The following EYS variants were observed in gnomAD, a reference collection of about 807,000 sequenced individuals.
The protein encoded by EYS is protein eyes shut homolog.
A neutral mutation model predicts 282.1 loss-of-function variants in EYS; 250 were observed. The ratio of observed to expected loss-of-function variants is 0.89; its 90% confidence interval spans 0.80 to 0.98. EYS has a LOEUF of 0.98. Among genes scored for constraint, EYS ranks in the 50% least tolerant of loss-of-function variants. EYS has a pLI of 0.00. For synonymous variants in EYS, 1,355 were observed against 1,282.9 expected, an observed-to-expected ratio of 1.06 and a Z score of -1.20; for missense variants, 4,016 against 3,709.0, an observed-to-expected ratio of 1.08 and a Z score of -2.15.
intron 5 of EYS, among the ~76,000 whole-genome samples, chr6:65,467,595 T>A (rs866957113): frequency 2.0e-5 from 3 of 152,008 alleles, no homozygotes; most frequent in Admixed American, 1.3e-4. Context: ...AAAATCTGAA[T>A]AAATGAAGAG....
chr6:64,037,843 T>C (rs1284894216), intron 33 of EYS, among the ~76,000 whole-genome samples: 1 of 152,208 alleles, frequency 6.6e-6, no homozygotes, highest in Non-Finnish European at 1.5e-5. Context: ...GGGTTTAATT[T>C]ATTGAATGAT....
In EYS at chr6:64,410,560, G is replaced by C. The variant is rs773728819; in HGVS notation, c.5928-21720C>G. ...GAAAACTAAATATTTTTTATTATCT[G>C]GTTCCAAATGCCATTCTATCTTTCT... On this transcript the variant is annotated intron_variant, in intron 28 of 42. Coordinates refer to ENST00000503581, the MANE Select transcript of EYS (RefSeq NM_001142800.2). Among the ~76,000 whole-genome samples, 21 of 152,044 alleles carry C rather than the reference G, an allele frequency of 1.4e-4. 1 individual carries two copies. Among genetic ancestry groups the C allele is most frequent in the African/African-American group, 7.2e-5 (3 of 41,406 alleles).
intron 28 of EYS, among the ~76,000 whole-genome samples, chr6:64,413,445 C>T (rs910174847): frequency 1.3e-5 from 2 of 151,822 alleles, no homozygotes; most frequent in Non-Finnish European, 2.9e-5. Context: ...ATGATTGATA[C>T]ATCAGAGAAC....
chr6:64,769,505 C>T lies in EYS; in HGVS notation c.3443+43873G>A, dbSNP rs140970780. 4.7e-3 allele frequency among the ~76,000 whole-genome samples: 718 copies of T among 152,100 alleles called. 4 individuals are homozygous for T. Among genetic ancestry groups the T allele is most frequent in the African/African-American group, 0.017 (686 of 41,502 alleles). ...CTATGTAATAACTATTGCTAGCTCACGAGCAGTACAAAAATGGGTGTCCAG... is the reference window on the plus strand; with the variant it reads ...CTATGTAATAACTATTGCTAGCTCATGAGCAGTACAAAAATGGGTGTCCAG... On this transcript the variant is annotated intron_variant, in intron 22 of 42. Transcript: ENST00000503581.
intron 36 of EYS, among the ~76,000 whole-genome samples, chr6:63,862,010 C>T (rs1772547314): frequency 6.6e-6 from 1 of 152,226 alleles, no homozygotes; most frequent in South Asian, 2.1e-4. Context: ...AGCCCAGCTT[C>T]TATCTTTCCT....
chr6:64,410,029 G>A (rs554812629), intron 28 of EYS, among the ~76,000 whole-genome samples: 4 of 152,070 alleles, frequency 2.6e-5, no homozygotes, highest in South Asian at 2.1e-4. Flanking sequence ...GAACACAGAC[G>A]AGTTACTCTT....
intron 12 of EYS, among the ~76,000 whole-genome samples, chr6:65,091,926 G>A (rs189023898): frequency 6.9e-4 from 105 of 152,110 alleles, no homozygotes; most frequent in African/African-American, 2.3e-3. Flanking sequence ...ACCTGCCTAC[G>A]GTCCCTCGAG....
chr6:63,806,105 C>G, intron 37 of EYS, 85 bp downstream of exon 37: 1 of 1,206,640 alleles, frequency 8.3e-7, no homozygotes, highest in Non-Finnish European at 1.1e-6. Context: ...TTTTTTTTAC[C>G]ACAGCCAATT....
chr6:64,064,155 A>G (rs1460186614), intron 33 of EYS, among the ~76,000 whole-genome samples: 3 of 152,178 alleles, frequency 2.0e-5, no homozygotes, highest in Admixed American at 1.3e-4. Flanking sequence ...TTAACAACAT[A>G]TCTCAAATTA....
chr6:63,917,196 C>A (rs913929563), intron 35 of EYS, among the ~76,000 whole-genome samples: 1 of 152,248 alleles, frequency 6.6e-6, no homozygotes, highest in African/African-American at 2.4e-5. Flanking sequence ...AGAGAATGCA[C>A]TTCAGGATCT....
intron 30 of EYS, among the ~76,000 whole-genome samples, chr6:64,297,977 C>CAAAAAAAAA (rs34562408): frequency 2.2e-4 from 21 of 96,432 alleles, no homozygotes; most frequent in African/African-American, 8.1e-4. Context: ...GATTCTGTCT[C>CAAAAAAAAA]AAAAAAAAAA....
chr6:63,961,558 C>T (rs961839292), intron 35 of EYS, among the ~76,000 whole-genome samples: 2 of 152,160 alleles, frequency 1.3e-5, no homozygotes, highest in South Asian at 2.1e-4. Context: ...CCTGCACCCA[C>T]GTGAAATAAA....
chr6:65,465,840 A>G (rs2150412804), intron 5 of EYS, among the ~76,000 whole-genome samples: 1 of 151,946 alleles, frequency 6.6e-6, no homozygotes, highest in East Asian at 2.0e-4. Flanking sequence ...AATCAGCTGA[A>G]TGTGTTGGCT....
chr6:65,590,226 T>C (rs1765184705), intron 2 of EYS, among the ~76,000 whole-genome samples: 1 of 152,076 alleles, frequency 6.6e-6, no homozygotes, highest in South Asian at 2.1e-4. Context: ...TTTCTTCCAC[T>C]ACCACAGTAC....
At chr6:65,629,830 A>G (rs2149807340) in intron 2 of EYS, among the ~76,000 whole-genome samples, 1 of 152,224 alleles carries the variant, frequency 6.6e-6, no homozygotes, top group Non-Finnish European at 1.5e-5. Context: ...TAATTCCACT[A>G]AGTCATCCAC....
rs1212782778 is a variant in EYS at position 64,507,643 on chromosome 6, G to T, written c.5645-68291C>A. Among the ~76,000 whole-genome samples, 4 of 152,080 alleles carry T rather than the reference G, an allele frequency of 2.6e-5. No homozygotes were observed. In the South Asian group the frequency reaches 6.2e-4, roughly 24 times the overall value. On this transcript the variant is annotated intron_variant, in intron 26 of 42. Coordinates refer to ENST00000503581, the MANE Select transcript of EYS (RefSeq NM_001142800.2). ...ATATAATAAGAATCAACTGGGTAAAGCTAGAACTAAACAATTTTAAAGGCA... is the reference window on the plus strand; with the variant it reads ...ATATAATAAGAATCAACTGGGTAAATCTAGAACTAAACAATTTTAAAGGCA...
At chr6:64,413,718 A>G (rs1773979262) in intron 28 of EYS, among the ~76,000 whole-genome samples, 1 of 152,196 alleles carries the variant, frequency 6.6e-6, no homozygotes, top group African/African-American at 2.4e-5. Context: ...ACCATGCCAC[A>G]AAGGCTTATG....
chr6:64,865,866 G>A (rs1766410923), intron 19 of EYS, among the ~76,000 whole-genome samples: 1 of 151,988 alleles, frequency 6.6e-6, no homozygotes, highest in Non-Finnish European at 1.5e-5. Flanking sequence ...ATAGAACTTT[G>A]TGATGGATTG....
At chr6:64,794,602 T>A (rs1774297600) in intron 22 of EYS, among the ~76,000 whole-genome samples, 1 of 152,186 alleles carries the variant, frequency 6.6e-6, no homozygotes, top group African/African-American at 2.4e-5. Flanking sequence ...CTTGTCTTTA[T>A]AAATTCCCCA....
Sources: allele counts gnomAD v4.1 joint callset (sites outside exome capture counted in the v4.1 genomes callset), GRCh38; gene constraint gnomAD v4.1.1; transcripts MANE v1.5; gene names NCBI Gene and HGNC (gene_info 2026-07-23, HGNC 2026-07-21).